The following IMMP2L variants were observed in gnomAD, a reference collection of about 807,000 sequenced individuals.
IMMP2L encodes the protein mitochondrial inner membrane protease subunit 2.
IMMP2L carries 18 observed loss-of-function variants against 19.3 expected under a neutral mutation model. The ratio of observed to expected loss-of-function variants is 0.93; its 90% CI spans 0.64 to 1.38. The LOEUF is 1.38. Ranked by LOEUF, IMMP2L falls within the 40% of genes most tolerant of loss-of-function variation. The pLI is 0.00. For synonymous variants in IMMP2L, 76 were observed against 73.0 expected (o/e 1.04, Z -0.21); for missense variants, 233 against 218.2 (o/e 1.07, Z -0.43).
At chr7:111,061,607 C>CT (rs1748167314) in intron 3 of IMMP2L, among the ~76,000 whole-genome samples, 1 of 152,154 alleles carries the variant, frequency 6.6e-6, no homozygotes, top group African/African-American at 2.4e-5. Context: ...TCCACAGGTT[C>CT]TTCACCATAA....
At chr7:111,290,710 TG>T (rs1255354827) in intron 3 of IMMP2L, among the ~76,000 whole-genome samples, 1 of 151,930 alleles carries the variant, frequency 6.6e-6, no homozygotes, top group Non-Finnish European at 1.5e-5. Flanking sequence ...TATTGCAAAT[TG>T]AACTTTTGAC....
At chr7:111,179,724 A>T (rs2129610770) in intron 3 of IMMP2L, among the ~76,000 whole-genome samples, 1 of 152,226 alleles carries the variant, frequency 6.6e-6, no homozygotes, top group Admixed American at 6.6e-5. Flanking sequence ...CCTACACGGC[A>T]TCTTCTTCCA....
Position 110,962,982 on chromosome 7 carries a change from T to G in IMMP2L, c.305+518A>C, listed in dbSNP as rs1420952210. The G allele has an allele frequency of 2.0e-6, 3 of 1,486,602 alleles. No homozygotes were observed. In the African/African-American group the frequency reaches 4.3e-5, roughly 21 times the overall value. 92.1% of individuals were successfully genotyped at this position (1,486,602 alleles called of 1,614,324 possible). ...GCAAGTACAATAAATACGACATTAC[T>G]AAAGGCTGCTTAAACACCTGATTGT... is the stretch of plus-strand genomic sequence containing the variant. On this transcript the variant is annotated intron_variant, in intron 4 of 5. Coordinates refer to ENST00000405709, the MANE Select transcript of IMMP2L (RefSeq NM_032549.4).
intron 5 of IMMP2L, among the ~76,000 whole-genome samples, chr7:110,738,598 T>A (rs1438381529): frequency 6.6e-6 from 1 of 152,210 alleles, no homozygotes; most frequent in East Asian, 1.9e-4. Context: ...CTAAGAATAA[T>A]TGGTGTTTCC....
At chr7:111,058,294 T>G (rs1488729721) in intron 3 of IMMP2L, among the ~76,000 whole-genome samples, 1 of 152,148 alleles carries the variant, frequency 6.6e-6, no homozygotes, top group Non-Finnish European at 1.5e-5. Flanking sequence ...CTACAAAAAA[T>G]GTACACCAAG....
At chr7:111,203,801 G>A (rs1810418209) in intron 3 of IMMP2L, among the ~76,000 whole-genome samples, 1 of 151,866 alleles carries the variant, frequency 6.6e-6, no homozygotes, top group Non-Finnish European at 1.5e-5. Context: ...GCAAAGCAAT[G>A]TAATTCCAAA....
At chr7:111,115,505 A>G (rs965471674) in intron 3 of IMMP2L, among the ~76,000 whole-genome samples, 2 of 152,116 alleles carry the variant, frequency 1.3e-5, no homozygotes, top group Non-Finnish European at 2.9e-5. Flanking sequence ...CCTGTGATTA[A>G]GATTTCATCC....
At chr7:110,888,162 G>A (rs1203178298) in intron 4 of IMMP2L, among the ~76,000 whole-genome samples, 1 of 152,084 alleles carries the variant, frequency 6.6e-6, no homozygotes, top group African/African-American at 2.4e-5. Flanking sequence ...AATTACTATT[G>A]CGAAGAAAGT....
intron 3 of IMMP2L, among the ~76,000 whole-genome samples, chr7:111,351,994 C>A (rs907712903): frequency 2.0e-5 from 3 of 152,138 alleles, no homozygotes; most frequent in African/African-American, 7.2e-5. Context: ...CAGAATGGCA[C>A]TTGACAGAGA....
At chr7:111,042,714 C>G (rs1792017205) in intron 3 of IMMP2L, among the ~76,000 whole-genome samples, 2 of 152,172 alleles carry the variant, frequency 1.3e-5, no homozygotes, top group East Asian at 3.9e-4. Context: ...TGCTCTGCCA[C>G]AATAGATGAC....
At chr7:111,182,649 C>G (rs1311441672) in intron 3 of IMMP2L, among the ~76,000 whole-genome samples, 1 of 151,582 alleles carries the variant, frequency 6.6e-6, no homozygotes, top group East Asian at 1.9e-4. Flanking sequence ...GAAAGTCAAT[C>G]ACGTTTCTCA....
chr7:111,118,483 C>A (rs1256248835), intron 3 of IMMP2L, among the ~76,000 whole-genome samples: 1 of 151,938 alleles, frequency 6.6e-6, no homozygotes, highest in Admixed American at 6.6e-5. Context: ...ATTTTAACGG[C>A]CTAAACTAGG....
intron 3 of IMMP2L, among the ~76,000 whole-genome samples, chr7:111,220,983 CT>C (rs1189589150): frequency 1.3e-5 from 2 of 152,056 alleles, no homozygotes; most frequent in African/African-American, 4.8e-5. Flanking sequence ...CATTTGCTTA[CT>C]GAGTTCACCA....
intron 3 of IMMP2L, among the ~76,000 whole-genome samples, chr7:110,969,426 A>ACGGAG (rs1270439956): frequency 2.0e-5 from 3 of 152,034 alleles, no homozygotes; most frequent in Non-Finnish European, 2.9e-5. Context: ...CCTCTCAAGC[A>ACGGAG]CGGAGCTTTG....
At chr7:111,178,132 A>AT (rs2129610416) in intron 3 of IMMP2L, among the ~76,000 whole-genome samples, 1 of 152,164 alleles carries the variant, frequency 6.6e-6, no homozygotes, top group South Asian at 2.1e-4. Context: ...GATATTACAG[A>AT]TTTTGTTATA....
intron 3 of IMMP2L, among the ~76,000 whole-genome samples, chr7:111,039,769 A>G (rs1244594624): frequency 6.6e-6 from 1 of 152,164 alleles, no homozygotes; most frequent in Non-Finnish European, 1.5e-5. Context: ...ATCGTGTGCA[A>G]ATTTTACCTA....
At chr7:110,686,222 T>A (rs1401971626) in intron 5 of IMMP2L, among the ~76,000 whole-genome samples, 1 of 152,072 alleles carries the variant, frequency 6.6e-6, no homozygotes, top group Non-Finnish European at 1.5e-5. Context: ...AAAAGATAAG[T>A]AGCTACCCTA....
At chr7:110,815,266 A>G (rs1802392033) in intron 5 of IMMP2L, among the ~76,000 whole-genome samples, 1 of 152,108 alleles carries the variant, frequency 6.6e-6, no homozygotes, top group Non-Finnish European at 1.5e-5. Context: ...GCTGGATTAC[A>G]TTTATTGATT....
chr7:111,155,966 T>C (rs1297242343), intron 3 of IMMP2L, among the ~76,000 whole-genome samples: 1 of 152,080 alleles, frequency 6.6e-6, no homozygotes, highest in Non-Finnish European at 1.5e-5. Flanking sequence ...ATATAATACA[T>C]ACTATTTTGT....
Sources: gnomAD v4.1 joint callset for allele counts (sites outside exome capture counted in the v4.1 genomes callset) on GRCh38, gnomAD v4.1.1 for gene constraint, MANE v1.5 for transcripts, NCBI Gene and HGNC (gene_info 2026-07-23, HGNC 2026-07-21) for gene names.